SOX5: variants seen among roughly 807,000 people sequenced by gnomAD.
SOX5 encodes transcription factor SOX-5.
SOX5 carries 9 observed loss-of-function variants against 92.0 expected under a neutral mutation model. The observed-to-expected ratio is 0.10, with a 90% CI of 0.06 to 0.17. The LOEUF (loss-of-function observed/expected upper bound fraction) is 0.17, where lower values mean the gene tolerates loss of function less well. SOX5 is among the 10% of genes least tolerant of loss of function. SOX5 has a pLI of 1.00. For missense variants in SOX5, 642 were observed against 944.5 expected (o/e 0.68, Z 4.20); for synonymous variants, 344 against 336.3 (o/e 1.02, Z -0.25).
chr12:23,577,174 C>CACAT (rs1184475403), intron 9 of SOX5, among the ~76,000 whole-genome samples: 1 of 93,920 alleles, frequency 1.1e-5, no homozygotes, highest in Non-Finnish European at 2.1e-5. Context: ...CACACACACA[C>CACAT]ACATATATAT....
chr12:24,404,240 G>A (rs1962420213), intron 1 of SOX5, among the ~76,000 whole-genome samples: 1 of 151,950 alleles, frequency 6.6e-6, no homozygotes, highest in African/African-American at 2.4e-5. Flanking sequence ...TGCCCTACGT[G>A]AAGCCGACCA....
At chr12:24,550,769 T>G (rs79077130) in intron 1 of SOX5, among the ~76,000 whole-genome samples, 483 of 152,308 alleles carry the variant, frequency 3.2e-3, no homozygotes, top group African/African-American at 0.011. Context: ...TCACAGGCCT[T>G]TGCAATAAAG....
At chr12:24,042,765 T>A (rs1006841261) in intron 4 of SOX5, among the ~76,000 whole-genome samples, 12 of 152,092 alleles carry the variant, frequency 7.9e-5, no homozygotes, top group Non-Finnish European at 1.5e-5. Context: ...AATCCACCAA[T>A]GGATATATAT....
intron 4 of SOX5, among the ~76,000 whole-genome samples, chr12:24,150,990 T>C (rs1951596733): frequency 6.6e-6 from 1 of 152,148 alleles, no homozygotes; most frequent in African/African-American, 2.4e-5. Flanking sequence ...GGAAGACTAC[T>C]TGTAAAGCAA....
At chr12:24,263,271 T>A (rs1942450454) in intron 3 of SOX5, among the ~76,000 whole-genome samples, 1 of 151,730 alleles carries the variant, frequency 6.6e-6, no homozygotes, top group Non-Finnish European at 1.5e-5. Context: ...CTCACACCTG[T>A]AATCCCAGCA....
chr12:23,759,997 T>C (rs2094520041), intron 3 of SOX5, among the ~76,000 whole-genome samples: 1 of 152,052 alleles, frequency 6.6e-6, no homozygotes, highest in African/African-American at 2.4e-5. Flanking sequence ...TTTCTTCTAT[T>C]TTCATTTTAA....
intron 6 of SOX5, among the ~76,000 whole-genome samples, chr12:23,718,246 G>A (rs1441725915): frequency 1.3e-5 from 2 of 152,014 alleles, no homozygotes; most frequent in African/African-American, 4.8e-5. Flanking sequence ...TAAATAAAAT[G>A]GTGTAATTAT....
At chr12:23,896,585 A>G (rs2097179776) in intron 1 of SOX5, among the ~76,000 whole-genome samples, 1 of 152,112 alleles carries the variant, frequency 6.6e-6, no homozygotes, top group South Asian at 2.1e-4. Flanking sequence ...TATTTGTTTA[A>G]AGCTTATTAA....
At position 23,763,703 on chromosome 12, in the gene SOX5, T is replaced by C. The variant is rs2094627505; in HGVS notation, c.482-7979A>G. Among the ~76,000 whole-genome samples the C allele has an allele frequency of 2.0e-5, 3 of 152,098 alleles. No individual in the cohort carries two copies. The South Asian group carries it at 6.2e-4, about 31-fold the overall frequency. On this transcript the variant is annotated intron_variant, in intron 3 of 14. Coordinates refer to ENST00000451604, the MANE Select transcript of SOX5 (RefSeq NM_006940.6). ...TGTCTTTCTAACTTCCCAAAGGTTC[T>C]ATTAGGTCCTCAACAATATCTAAAG...
intron 4 of SOX5, among the ~76,000 whole-genome samples, chr12:24,040,813 C>T (rs1314218839): frequency 1.3e-5 from 2 of 152,002 alleles, no homozygotes; most frequent in Admixed American, 6.6e-5. Context: ...GCGGAGCGTG[C>T]AGTGAGCCGA....
Position 24,059,776 on chromosome 12 carries a change from A to G in SOX5, c.-2+153567T>C, listed in dbSNP as rs531909157. ...TAAAGTGCAACCCACAATCAAGAGT[A>G]TAAAAAACAAATGAAACCCAAACAT... is the stretch of plus-strand genomic sequence containing the variant. On this transcript the variant is annotated intron_variant, in intron 4 of 4. Coordinates refer to the SOX5 transcript ENST00000446891. 3.9e-5 allele frequency among the ~76,000 whole-genome samples: 6 copies of G among 152,340 alleles called. No homozygotes were observed. In the South Asian group the frequency reaches 1.2e-3, roughly 32 times the overall value.
chr12:23,766,835 A>G (rs1224927798), intron 3 of SOX5, among the ~76,000 whole-genome samples: 2 of 152,196 alleles, frequency 1.3e-5, no homozygotes, highest in African/African-American at 2.4e-5. Context: ...AATATTGTAT[A>G]TAATTTATTA....
intron 4 of SOX5, among the ~76,000 whole-genome samples, chr12:24,094,502 G>T (rs543968005): frequency 1.1e-4 from 16 of 141,844 alleles, no homozygotes; most frequent in Non-Finnish European, 1.1e-4. Flanking sequence ...TTGATGTGTA[G>T]AAAATATCAT....
intron 3 of SOX5, among the ~76,000 whole-genome samples, chr12:24,248,937 A>C (rs776153564): frequency 6.6e-6 from 1 of 152,216 alleles, no homozygotes; most frequent in African/African-American, 2.4e-5. Flanking sequence ...TATATAGAGA[A>C]AGGCTAAATA....
At chr12:24,004,608 C>A (rs183524263) in intron 4 of SOX5, among the ~76,000 whole-genome samples, 1 of 152,186 alleles carries the variant, frequency 6.6e-6, no homozygotes, top group Admixed American at 6.5e-5. Context: ...TTTAAGAAGA[C>A]AGACAATAAC....
At chr12:24,195,989 A>C (rs887385174) in intron 4 of SOX5, among the ~76,000 whole-genome samples, 1 of 152,174 alleles carries the variant, frequency 6.6e-6, no homozygotes, top group Non-Finnish European at 1.5e-5. Context: ...GGTTCAAGCG[A>C]TTCTCCTGCC....
At chr12:24,359,981 T>C in intron 2 of SOX5, among the ~76,000 whole-genome samples, 1 of 152,026 alleles carries the variant, frequency 6.6e-6, no homozygotes, top group Non-Finnish European at 1.5e-5. Flanking sequence ...AGTGGAATTG[T>C]ATAGAGAAAG....
intron 11 of SOX5, among the ~76,000 whole-genome samples, chr12:23,547,552 G>A (rs577929213): frequency 5.9e-5 from 9 of 151,976 alleles, no homozygotes; most frequent in African/African-American, 2.2e-4. Context: ...ATGAGATATT[G>A]AAATTCTTAA....
intron 4 of SOX5, among the ~76,000 whole-genome samples, chr12:23,995,184 T>C (rs902360304): frequency 2.4e-4 from 37 of 152,198 alleles, no homozygotes; most frequent in African/African-American, 8.9e-4. Context: ...TTAGTGTCTA[T>C]TAAGTTTTTA....
Sources: gnomAD v4.1 joint callset for allele counts (sites outside exome capture counted in the v4.1 genomes callset) on GRCh38, gnomAD v4.1.1 for gene constraint, MANE v1.5 for transcripts, NCBI Gene and HGNC (gene_info 2026-07-23, HGNC 2026-07-21) for gene names.